PCDH15: variants seen among roughly 807,000 people sequenced by gnomAD.
PCDH15 encodes the protein protocadherin-15.
PCDH15 carries 129 observed loss-of-function variants against 178.5 expected under a neutral mutation model. The ratio of observed to expected loss-of-function variants is 0.72; its 90% confidence interval spans 0.63 to 0.84. The LOEUF is 0.84. Ranked by LOEUF, PCDH15 falls within the 40% of genes least tolerant of loss-of-function variation. The pLI is 0.00. For missense variants in PCDH15, 2,230 were observed against 2,099.9 expected (o/e 1.06, Z -1.21); for synonymous variants, 800 against 732.0 (o/e 1.09, Z -1.50).
At chr10:54,582,500 T>C (rs916982680) in intron 2 of PCDH15, among the ~76,000 whole-genome samples, 1 of 152,168 alleles carries the variant, frequency 6.6e-6, no homozygotes, top group African/African-American at 2.4e-5. Context: ...TACTCTTTTA[T>C]CATGTATTTT....
chr10:53,931,257 C>T (rs998605484), intron 25 of PCDH15, among the ~76,000 whole-genome samples: 1 of 152,160 alleles, frequency 6.6e-6, no homozygotes, highest in African/African-American at 2.4e-5. Context: ...TATGAAAAGG[C>T]TGCAAATCAG....
chr10:54,165,126 A>G (rs563891113), intron 13 of PCDH15, among the ~76,000 whole-genome samples: 36 of 152,274 alleles, frequency 2.4e-4, no homozygotes, highest in South Asian at 1.9e-3. Context: ...TGGGGATTGC[A>G]AATGTATTTA....
At chr10:54,245,934 T>G (rs1172263018) in intron 8 of PCDH15, among the ~76,000 whole-genome samples, 5 of 151,980 alleles carry the variant, frequency 3.3e-5, no homozygotes, top group Admixed American at 3.3e-4. Context: ...ACCTATGAGA[T>G]ACCTTCATAA....
At chr10:54,134,494 C>A (rs963225452) in intron 14 of PCDH15, among the ~76,000 whole-genome samples, 9 of 152,080 alleles carry the variant, frequency 5.9e-5, no homozygotes, top group African/African-American at 2.4e-5. Flanking sequence ...TGGCTCACAC[C>A]TGTAATCCCA....
chr10:54,878,302 A>G (rs1243400977), intron 3 of PCDH15, among the ~76,000 whole-genome samples: 1 of 152,182 alleles, frequency 6.6e-6, no homozygotes, highest in Non-Finnish European at 1.5e-5. Context: ...AAGCAACTTT[A>G]GGGAAAATTA....
intron 2 of PCDH15, among the ~76,000 whole-genome samples, chr10:54,568,303 T>C (rs542930028): frequency 5.9e-4 from 89 of 152,040 alleles, no homozygotes; most frequent in African/African-American, 2.0e-3. Context: ...TGCATCACTT[T>C]CTCCAAGAAA....
At chr10:55,367,198 G>A (rs538231046) in intron 2 of PCDH15, among the ~76,000 whole-genome samples, 2 of 151,874 alleles carry the variant, frequency 1.3e-5, no homozygotes, top group Non-Finnish European at 2.9e-5. Context: ...TGCATGAATA[G>A]TTTCCACTGT....
chr10:54,022,695 G>A (rs1589963258), intron 19 of PCDH15, among the ~76,000 whole-genome samples, 197 bp downstream of exon 19: 2 of 151,566 alleles, frequency 1.3e-5, no homozygotes, highest in East Asian at 3.9e-4. Flanking sequence ...TTAATTTTTG[G>A]GATATCTTTA....
At chr10:54,591,738 A>C (rs1590329623) in intron 2 of PCDH15, among the ~76,000 whole-genome samples, 1 of 152,060 alleles carries the variant, frequency 6.6e-6, no homozygotes, top group African/African-American at 2.4e-5. Context: ...GAAACTTAGA[A>C]TTTTTCTATA....
At chr10:53,866,986 G>T in intron 26 of PCDH15, 129 bp from the exon 27 acceptor site, 2 of 684,002 alleles carry the variant, frequency 2.9e-6, no homozygotes, top group Non-Finnish European at 2.6e-6. Context: ...CCTCCTAAAT[G>T]TCTGTTTTTT....
At chr10:54,705,119 T>C (rs1411221093) in intron 1 of PCDH15, among the ~76,000 whole-genome samples, 3 of 152,022 alleles carry the variant, frequency 2.0e-5, no homozygotes, top group Non-Finnish European at 4.4e-5. Context: ...GAGCTAAACT[T>C]TGAGTACTCA....
chr10:53,812,779 A>C (rs1399900407), intron 35 of PCDH15, among the ~76,000 whole-genome samples: 9 of 152,158 alleles, frequency 5.9e-5, no homozygotes, highest in African/African-American at 2.2e-4. Flanking sequence ...ATGGAATACG[A>C]GAAGAGAGGG....
rs1282744667 is a variant in PCDH15 at position 55,309,227 on chromosome 10, T to A, written c.-156+10372A>T. On this transcript the variant is annotated intron_variant, in intron 1 of 5. Coordinates refer to the PCDH15 transcript ENST00000458638. ...TCTCTATGTATGACAATAAAAACAG[T>A]TAAAAGGCTGGGTGCTGTAGCTTAC... Among the ~76,000 whole-genome samples, 15 of 152,258 alleles carry A rather than the reference T, an allele frequency of 9.9e-5. No homozygotes were observed. The South Asian group carries it at 2.9e-3, about 29-fold the overall frequency.
At chr10:55,149,189 T>C (rs1248518171) in intron 2 of PCDH15, among the ~76,000 whole-genome samples, 1 of 151,664 alleles carries the variant, frequency 6.6e-6, no homozygotes, top group East Asian at 1.9e-4. Context: ...ACATGATTAT[T>C]TGCAAAGTAT....
intron 6 of PCDH15, among the ~76,000 whole-genome samples, chr10:54,331,226 T>C (rs1260979381): frequency 6.6e-6 from 1 of 151,840 alleles, no homozygotes; most frequent in Non-Finnish European, 1.5e-5. Context: ...GTGTGTAGTT[T>C]AGCCTTCCAT....
chr10:55,301,812 T>C (rs897434110), intron 1 of PCDH15, among the ~76,000 whole-genome samples: 11 of 152,160 alleles, frequency 7.2e-5, no homozygotes, highest in African/African-American at 2.7e-4. Flanking sequence ...TATATGGATG[T>C]TCAATTGCTC....
At chr10:54,640,039 C>G (rs2093954950) in intron 2 of PCDH15, among the ~76,000 whole-genome samples, 1 of 152,012 alleles carries the variant, frequency 6.6e-6, no homozygotes, top group Non-Finnish European at 1.5e-5. Flanking sequence ...GCATCACGGT[C>G]ATACCTGTGA....
chr10:53,878,315 C>CTA (rs1279234182), intron 26 of PCDH15, among the ~76,000 whole-genome samples: 5 of 59,312 alleles, frequency 8.4e-5, no homozygotes, highest in Non-Finnish European at 1.0e-4. Flanking sequence ...TATATATATT[C>CTA]TATATATATA....
intron 2 of PCDH15, among the ~76,000 whole-genome samples, chr10:55,498,974 T>TC (rs1840594641): frequency 6.6e-6 from 1 of 151,918 alleles, no homozygotes; most frequent in Admixed American, 6.6e-5. Context: ...CTCTAGGAGT[T>TC]GAAAAATTAT....
Sources: allele counts gnomAD v4.1 joint callset (sites outside exome capture counted in the v4.1 genomes callset), GRCh38; gene constraint gnomAD v4.1.1; transcripts MANE v1.5; gene names NCBI Gene and HGNC (gene_info 2026-07-23, HGNC 2026-07-21).